Variants in PELI2 observed in about 807,000 individuals in gnomAD.
PELI2 encodes pellino E3 ubiquitin protein ligase family member 2.
PELI2 carries 23 observed loss-of-function variants against 42.3 expected under a neutral mutation model. That is an observed-to-expected ratio of 0.54 (90% confidence interval 0.39 to 0.77). The LOEUF (loss-of-function observed/expected upper bound fraction) is 0.77, where lower values mean the gene tolerates loss of function less well. PELI2 is among the 30% of genes least tolerant of loss of function. PELI2 has a pLI of 0.00. For missense variants in PELI2, 463 were observed against 553.2 expected (o/e 0.84, Z 1.64); for synonymous variants, 245 against 212.2 (o/e 1.15, Z -1.34).
At chr14:56,230,550 TGAGA>T (rs1466276346) in intron 2 of PELI2, among the ~76,000 whole-genome samples, 1 of 152,190 alleles carries the variant, frequency 6.6e-6, no homozygotes, top group Non-Finnish European at 1.5e-5. Flanking sequence ...AAGCAAATGC[TGAGA>T]GATTTTGTGA....
At chr14:56,278,709 T>TATTTG (rs1889379567) in intron 2 of PELI2, among the ~76,000 whole-genome samples, 1 of 152,222 alleles carries the variant, frequency 6.6e-6, no homozygotes, top group African/African-American at 2.4e-5. Context: ...AAATGTTTAG[T>TATTTG]ACATTTTCAT....
intron 2 of PELI2, among the ~76,000 whole-genome samples, chr14:56,209,313 A>G (rs10782431): frequency 0.4 from 61,337 of 152,030 alleles, 13,083 homozygotes; most frequent in South Asian, 0.53. Flanking sequence ...AGCGTCTGCC[A>G]TTTTCTGAAA....
At chr14:56,289,301 T>C (rs954586366) in intron 4 of PELI2, among the ~76,000 whole-genome samples, 3 of 152,184 alleles carry the variant, frequency 2.0e-5, no homozygotes, top group Admixed American at 2.0e-4. Context: ...CACTGGGTTC[T>C]CTCTGTCTTG....
chr14:56,234,223 C>G (rs531157373), intron 2 of PELI2, among the ~76,000 whole-genome samples: 2 of 152,282 alleles, frequency 1.3e-5, no homozygotes, highest in Admixed American at 1.3e-4. Context: ...ACTAGAAATA[C>G]CATTTGACCC....
chr14:56,126,253 C>G (rs1477626375), intron 1 of PELI2, among the ~76,000 whole-genome samples: 1 of 152,176 alleles, frequency 6.6e-6, no homozygotes, highest in African/African-American at 2.4e-5. Flanking sequence ...TCATTAATGC[C>G]TATTAATGAT....
intron 2 of PELI2, among the ~76,000 whole-genome samples, chr14:56,227,598 A>G (rs1187785320): frequency 6.9e-6 from 1 of 145,944 alleles, no homozygotes; most frequent in African/African-American, 2.5e-5. Flanking sequence ...ATATATGTGT[A>G]CATAGCTATA....
intron 1 of PELI2, among the ~76,000 whole-genome samples, chr14:56,125,587 G>A (rs562043639): frequency 6.6e-6 from 1 of 152,198 alleles, no homozygotes; most frequent in East Asian, 1.9e-4. Context: ...ACCTTGAGTG[G>A]GTTCTGCTCT....
intron 2 of PELI2, among the ~76,000 whole-genome samples, chr14:56,205,366 A>G (rs961063625): frequency 6.6e-6 from 1 of 152,182 alleles, no homozygotes; most frequent in Non-Finnish European, 1.5e-5. Flanking sequence ...TTTTAATGTG[A>G]ACGAGTCTTG....
At chr14:56,235,191 T>C (rs1324747028) in intron 2 of PELI2, among the ~76,000 whole-genome samples, 1 of 152,118 alleles carries the variant, frequency 6.6e-6, no homozygotes, top group Non-Finnish European at 1.5e-5. Context: ...ACCAACCTAA[T>C]AGTTAATATT....
intron 2 of PELI2, among the ~76,000 whole-genome samples, chr14:56,209,058 G>A (rs1454002654): frequency 6.6e-6 from 1 of 152,208 alleles, no homozygotes; most frequent in Non-Finnish European, 1.5e-5. Flanking sequence ...ATTTTGATAA[G>A]TATAATGAAA....
At chr14:56,240,802 C>G (rs1215216654) in intron 2 of PELI2, among the ~76,000 whole-genome samples, 1 of 152,108 alleles carries the variant, frequency 6.6e-6, no homozygotes, top group African/African-American at 2.4e-5. Flanking sequence ...TGGGGAGGAG[C>G]TTAAGGCTGA....
rs1890123430 is a variant in PELI2, at chr14:56,299,963, T to G, written c.*2797T>G. On this transcript the variant is annotated 3_prime_UTR_variant, in exon 6 of 6. Coordinates refer to ENST00000267460, the MANE Select transcript of PELI2 (RefSeq NM_021255.3). ...GAGTATTTTTCTAGTCCGGAATTTTTTATTAATAATCGGTGCTGCCGGGTC... is the reference window on the plus strand; with the variant it reads ...GAGTATTTTTCTAGTCCGGAATTTTGTATTAATAATCGGTGCTGCCGGGTC... The G allele has an allele frequency of 6.5e-6, 1 of 152,678 alleles. No homozygotes were observed. Among genetic ancestry groups the G allele is most frequent in the Non-Finnish European group, 1.5e-5 (1 of 68,048 alleles). 9.5% of individuals were successfully genotyped at this position (152,678 alleles called of 1,614,324 possible). A position where few individuals can be genotyped will look rare whatever the true frequency, so the allele number is the denominator to read the frequency against.
chr14:56,294,778 T>TA (rs1374393175), intron 5 of PELI2, among the ~76,000 whole-genome samples: 11 of 152,208 alleles, frequency 7.2e-5, no homozygotes, highest in Non-Finnish European at 1.5e-4. Flanking sequence ...ACCGATACTC[T>TA]GCACACCCTC....
At chr14:56,231,839 C>T (rs566440090) in intron 2 of PELI2, among the ~76,000 whole-genome samples, 161 of 151,914 alleles carry the variant, frequency 1.1e-3, no homozygotes, top group Non-Finnish European at 2.0e-3. Context: ...TTGAAAAGAT[C>T]AACAAAATTG....
intron 2 of PELI2, among the ~76,000 whole-genome samples, chr14:56,238,181 G>A (rs1390213160): frequency 3.9e-5 from 6 of 152,066 alleles, no homozygotes; most frequent in African/African-American, 1.4e-4. Flanking sequence ...AAGTTGGTAG[G>A]TATTCAGTTA....
At chr14:56,242,805 G>A (rs1428299208) in intron 2 of PELI2, among the ~76,000 whole-genome samples, 1 of 152,148 alleles carries the variant, frequency 6.6e-6, no homozygotes, top group Non-Finnish European at 1.5e-5. Flanking sequence ...TAAACTATGA[G>A]GACCCAAATG....
chr14:56,149,448 T>G (rs1884255469), intron 1 of PELI2, among the ~76,000 whole-genome samples: 1 of 152,200 alleles, frequency 6.6e-6, no homozygotes, highest in African/African-American at 2.4e-5. Flanking sequence ...GAATTATGCC[T>G]TACAAAATAA....
chr14:56,232,491 A>T (rs1887620015), intron 2 of PELI2, among the ~76,000 whole-genome samples: 1 of 152,206 alleles, frequency 6.6e-6, no homozygotes, highest in Non-Finnish European at 1.5e-5. Context: ...TCATATTAGC[A>T]GAACCAGAAA....
At chr14:56,183,188 CTTT>C (rs151214244) in intron 2 of PELI2, among the ~76,000 whole-genome samples, 1 of 151,870 alleles carries the variant, frequency 6.6e-6, no homozygotes, top group African/African-American at 2.4e-5. Context: ...GGAAGGTTTT[CTTT>C]TTTTAGATGT....
Sources: allele counts gnomAD v4.1 joint callset (sites outside exome capture counted in the v4.1 genomes callset), GRCh38; gene constraint gnomAD v4.1.1; transcripts MANE v1.5; gene names NCBI Gene and HGNC (gene_info 2026-07-23, HGNC 2026-07-21).